STXBP6: variants seen among roughly 807,000 people sequenced by gnomAD.
STXBP6 encodes the protein syntaxin binding protein 6.
In STXBP6, 21 loss-of-function variants were observed where a neutral mutation model predicts 26.9. The ratio of observed to expected loss-of-function variants is 0.78; its 90% CI spans 0.55 to 1.12. The LOEUF (loss-of-function observed/expected upper bound fraction) is 1.12. Ranked by LOEUF, STXBP6 falls within the 50% of genes most tolerant of loss-of-function variation. STXBP6 has a pLI of 0.00. For synonymous variants in STXBP6, 97 were observed against 92.6 expected (o/e 1.05, Z -0.27); for missense variants, 232 against 257.9 (o/e 0.90, Z 0.69).
chr14:24,827,353 C>G (rs994024920), intron 4 of STXBP6, among the ~76,000 whole-genome samples: 1 of 152,170 alleles, frequency 6.6e-6, no homozygotes, highest in Admixed American at 6.6e-5. Flanking sequence ...ATTCATTCAG[C>G]TCACTTATTA....
intron 5 of STXBP6, chr14:24,817,946 T>G: frequency 2.4e-6 from 1 of 425,126 alleles, no homozygotes; most frequent in Non-Finnish European, 4.7e-6. Flanking sequence ...GTCATCCACT[T>G]AGAGCTGGAT....
intron 2 of STXBP6, among the ~76,000 whole-genome samples, chr14:24,893,627 T>C (rs560143013): frequency 1.5e-4 from 23 of 152,362 alleles, no homozygotes; most frequent in African/African-American, 5.3e-4. Context: ...ACTAAAGTTT[T>C]GTGAATAATC....
chr14:24,812,759 T>A (rs771335882), intron 5 of STXBP6, 27 bp from the exon 6 acceptor site: 1 of 1,612,730 alleles, frequency 6.2e-7, no homozygotes, highest in South Asian at 1.1e-5. Context: ...ATGAGAAAAG[T>A]AAGACTTTAT....
At chr14:24,973,456 G>A (rs1412569009) in intron 2 of STXBP6, among the ~76,000 whole-genome samples, 1 of 146,438 alleles carries the variant, frequency 6.8e-6, no homozygotes, top group Non-Finnish European at 1.5e-5. Flanking sequence ...TGTGATCTCG[G>A]CTCACTGCAA....
intron 2 of STXBP6, among the ~76,000 whole-genome samples, chr14:24,860,067 A>G (rs2069479292): frequency 1.3e-5 from 2 of 152,208 alleles, no homozygotes; most frequent in Admixed American, 1.3e-4. Context: ...TATGTCCAGA[A>G]TATCCAAAAT....
At chr14:24,872,352 C>T (rs2069967121) in intron 2 of STXBP6, among the ~76,000 whole-genome samples, 1 of 152,150 alleles carries the variant, frequency 6.6e-6, no homozygotes, top group African/African-American at 2.4e-5. Flanking sequence ...CACAGTTCTC[C>T]AAGTGTCTTT....
chr14:24,936,398 G>C (rs951813941), intron 2 of STXBP6, among the ~76,000 whole-genome samples: 1 of 152,184 alleles, frequency 6.6e-6, no homozygotes, highest in South Asian at 2.1e-4. Context: ...GATAGAAGAG[G>C]TCACTAGTTT....
intron 2 of STXBP6, among the ~76,000 whole-genome samples, chr14:24,881,060 C>T (rs966242477): frequency 1.3e-5 from 2 of 152,170 alleles, no homozygotes; most frequent in African/African-American, 2.4e-5. Flanking sequence ...CTTCCCCATA[C>T]ACCTTACTTT....
intron 2 of STXBP6, among the ~76,000 whole-genome samples, chr14:24,907,852 T>A (rs2071437535): frequency 6.6e-6 from 1 of 152,126 alleles, no homozygotes; most frequent in Non-Finnish European, 1.5e-5. Context: ...TCCTCCTCTC[T>A]TAGATTGCTA....
At chr14:24,836,117 T>G (rs1158307213) in intron 4 of STXBP6, among the ~76,000 whole-genome samples, 1 of 152,232 alleles carries the variant, frequency 6.6e-6, no homozygotes, top group Non-Finnish European at 1.5e-5. Context: ...AGGGTGTGTA[T>G]GAAATCATAC....
intron 1 of STXBP6, among the ~76,000 whole-genome samples, chr14:24,998,654 A>G (rs1423559330): frequency 1.3e-5 from 2 of 152,218 alleles, no homozygotes; most frequent in Non-Finnish European, 2.9e-5. Context: ...AAATTTGTAC[A>G]TATCAATCTG....
intron 1 of STXBP6, among the ~76,000 whole-genome samples, chr14:24,979,282 T>C (rs780552309): frequency 5.3e-5 from 8 of 152,364 alleles, no homozygotes; most frequent in Non-Finnish European, 1.0e-4. Context: ...CTTCCTATTG[T>C]AAATGAGTAA....
At chr14:24,836,606 CAAAAAAAAA>C (rs71449215) in intron 4 of STXBP6, among the ~76,000 whole-genome samples, 1 of 44,314 alleles carries the variant, frequency 2.3e-5, no homozygotes, top group Admixed American at 3.6e-4. Context: ...GACTCCCTCT[CAAAAAAAAA>C]AAAAAAAAAA....
At chr14:24,853,337 T>G (rs1237648678) in intron 4 of STXBP6, among the ~76,000 whole-genome samples, 1 of 152,084 alleles carries the variant, frequency 6.6e-6, no homozygotes, top group Non-Finnish European at 1.5e-5. Context: ...TTTATCAGGG[T>G]GTGTTGGCAC....
At chr14:25,024,215 A>C (rs2075308309) in intron 1 of STXBP6, among the ~76,000 whole-genome samples, 1 of 152,168 alleles carries the variant, frequency 6.6e-6, no homozygotes, top group Non-Finnish European at 1.5e-5. Flanking sequence ...ATGCTGAGGC[A>C]GAAGAATTGC....
intron 1 of STXBP6, among the ~76,000 whole-genome samples, chr14:24,996,864 CAAAAAAAAA>C (rs753413417): frequency 6.6e-5 from 4 of 60,892 alleles, no homozygotes; most frequent in Non-Finnish European, 9.3e-5. Flanking sequence ...AACTCTGTCT[CAAAAAAAAA>C]AAAAAAAAAA....
At chr14:24,945,307 G>A (rs781440686) in intron 2 of STXBP6, among the ~76,000 whole-genome samples, 65 of 151,722 alleles carry the variant, frequency 4.3e-4, no homozygotes, top group Non-Finnish European at 1.8e-4. Context: ...CACTACACAC[G>A]GTGGCTCACA....
intron 1 of STXBP6, among the ~76,000 whole-genome samples, chr14:25,022,024 A>G (rs1405151109): frequency 6.6e-6 from 1 of 152,232 alleles, no homozygotes; most frequent in Non-Finnish European, 1.5e-5. Context: ...TCAGCTCAAG[A>G]CAAAAATCCT....
intron 2 of STXBP6, among the ~76,000 whole-genome samples, chr14:24,914,181 T>C (rs768250911): frequency 1.8e-4 from 28 of 152,294 alleles, no homozygotes; most frequent in Non-Finnish European, 3.7e-4. Context: ...TATTTCTAAT[T>C]AATCATCTGT....
Sources: gnomAD v4.1 joint callset for allele counts (sites outside exome capture counted in the v4.1 genomes callset) on GRCh38, gnomAD v4.1.1 for gene constraint, MANE v1.5 for transcripts, NCBI Gene and HGNC (gene_info 2026-07-23, HGNC 2026-07-21) for gene names.